HEATR3: variants seen among roughly 807,000 people sequenced by gnomAD.
HEATR3 encodes the protein HEAT repeat-containing protein 3.
A neutral mutation model predicts 72.8 loss-of-function variants in HEATR3; 56 were observed. That is an observed-to-expected ratio of 0.77 (90% CI 0.62 to 0.96). The LOEUF is 0.96. HEATR3 is among the 40% of genes least tolerant of loss of function. The pLI is 0.00. For synonymous variants in HEATR3, 331 were observed against 318.1 expected (o/e 1.04, Z -0.43); for missense variants, 747 against 831.4 (o/e 0.90, Z 1.25).
chr16:50,099,726 G>A (rs148543230), intron 12 of HEATR3, among the ~76,000 whole-genome samples: 41 of 152,266 alleles, frequency 2.7e-4, no homozygotes, highest in African/African-American at 9.4e-4. Flanking sequence ...TTGCAGGCGT[G>A]AGCCACCGCG....
chr16:50,100,575 C>T, intron 13 of HEATR3: 1 of 515,776 alleles, frequency 1.9e-6, no homozygotes, highest in Non-Finnish European at 3.3e-6. Flanking sequence ...AAAAGTTGAG[C>T]CACATTTTAC....
intron 6 of HEATR3, among the ~76,000 whole-genome samples, chr16:50,078,121 C>T (rs2036781235): frequency 6.6e-6 from 1 of 152,084 alleles, no homozygotes; most frequent in South Asian, 2.1e-4. Context: ...GAGTGATCCT[C>T]CCACCTTGGC....
At chr16:50,081,514 G>A (rs1425094862) in intron 7 of HEATR3, among the ~76,000 whole-genome samples, 1 of 152,082 alleles carries the variant, frequency 6.6e-6, no homozygotes, top group Non-Finnish European at 1.5e-5. Context: ...CGGTGGTGGG[G>A]CGGGGGGTAG....
chr16:50,097,834 G>A (rs1161261323), intron 12 of HEATR3, among the ~76,000 whole-genome samples: 1 of 151,138 alleles, frequency 6.6e-6, no homozygotes, highest in Admixed American at 6.6e-5. Flanking sequence ...AGAATCGCTT[G>A]AAGCCAGGAG....
At chr16:50,080,272 A>G (rs1403228266) in intron 7 of HEATR3, 1 of 152,182 alleles carries the variant, frequency 6.6e-6, no homozygotes, top group Non-Finnish European at 1.5e-5. Context: ...TGTGGGTGCA[A>G]ACCACTGTGT....
intron 12 of HEATR3, among the ~76,000 whole-genome samples, chr16:50,098,582 G>A (rs1209663078): frequency 6.6e-6 from 1 of 152,134 alleles, no homozygotes; most frequent in Non-Finnish European, 1.5e-5. Context: ...TGTGAACCCA[G>A]GAGGCGGAGC....
At chr16:50,097,224 A>G (rs1433612247) in intron 12 of HEATR3, among the ~76,000 whole-genome samples, 1 of 152,086 alleles carries the variant, frequency 6.6e-6, no homozygotes, top group African/African-American at 2.4e-5. Flanking sequence ...GTGGGTTCAC[A>G]TAATGGTTTT....
At position 50,094,706 on chromosome 16, in the gene HEATR3, T is replaced by C. The variant is rs2037193523; in HGVS notation, c.1512T>C (p.Asp504=). The C allele has an allele frequency of 1.3e-6, 2 of 1,545,404 alleles. No individual in the cohort carries two copies. The highest frequency in any genetic ancestry group is 2.1e-5 in the Admixed American group (1 of 46,932). Residue 504 remains aspartate, a splice_region_variant and synonymous_variant, in exon 12 of 15, where the codon GAT becomes GAC. Coordinates refer to ENST00000299192, the MANE Select transcript of HEATR3 (RefSeq NM_182922.4). ...HLSQLLFSQP[D]FAKHVDFLEA... is the part of the protein sequence containing the mutation. ...TTATATTTCATTTTTGTGTTTTAGATTTTGCTAAACATGTTGACTTTCTAG... is the reference window on the plus strand; with the variant it reads ...TTATATTTCATTTTTGTGTTTTAGACTTTGCTAAACATGTTGACTTTCTAG...
chr16:50,076,059 T>A (rs1387148175), intron 6 of HEATR3, among the ~76,000 whole-genome samples: 1 of 152,122 alleles, frequency 6.6e-6, no homozygotes, highest in African/African-American at 2.4e-5. Flanking sequence ...CTGCAGAATG[T>A]CTGAATACAG....
chr16:50,102,133 T>C (rs2037380375), intron 13 of HEATR3, 126 bp from the exon 14 acceptor site: 3 of 696,732 alleles, frequency 4.3e-6, no homozygotes, highest in Non-Finnish European at 7.2e-6. Context: ...TCTAATCTCT[T>C]GAAGTTTTAA....
At chr16:50,072,511 A>G in intron 4 of HEATR3, 94 bp from the exon 5 acceptor site, 4 of 777,818 alleles carry the variant, frequency 5.1e-6, no homozygotes, top group South Asian at 1.7e-5. Flanking sequence ...TCCTTGGTTT[A>G]TAAAGCCTCG....
intron 11 of HEATR3, among the ~76,000 whole-genome samples, chr16:50,091,715 CA>C (rs1026363733): frequency 7.4e-5 from 11 of 148,558 alleles, no homozygotes; most frequent in South Asian, 2.1e-4. Flanking sequence ...ACTAAAAATG[CA>C]AAAAAAAATT....
In HEATR3 at chr16:50,103,082, C is replaced by T. The variant is rs374759069; in HGVS notation, c.1920+647C>T. ...CCAGCCATATTGTTCTTAAAGGTTACAGTCCTTTAAATTTCTGGATAAAGA... is the reference window on the plus strand; with the variant it reads ...CCAGCCATATTGTTCTTAAAGGTTATAGTCCTTTAAATTTCTGGATAAAGA... On this transcript the variant is annotated intron_variant, in intron 14 of 14. Transcript: ENST00000299192. Among the ~76,000 whole-genome samples the T allele has an allele frequency of 2.8e-4, 43 of 152,264 alleles. 1 individual carries two copies. Among genetic ancestry groups the T allele is most frequent in the Non-Finnish European group, 4.4e-5 (3 of 68,016 alleles).
chr16:50,066,267 A>C lies in HEATR3; in HGVS notation c.136A>C (p.Lys46Gln). ...DDGPAAELLE[K>Q]LQHPSAEVRE... ...CGGGCCGGCGGCGGAGCTGCTGGAAAAGGTGAGGCGAGGGCTCCGTCGGGC... is the reference window on the plus strand; with the variant it reads ...CGGGCCGGCGGCGGAGCTGCTGGAACAGGTGAGGCGAGGGCTCCGTCGGGC... Residue 46 changes from lysine to glutamine, a missense_variant and splice_region_variant, in exon 1 of 15, where the codon AAG becomes CAG. Around this residue, in one of 2 missense-constraint regions of HEATR3, gnomAD observed 161 missense variants for 122.6 expected, o/e 1.31. Coordinates refer to ENST00000299192, the MANE Select transcript of HEATR3 (RefSeq NM_182922.4). 6.4e-7 allele frequency: 1 copy of C among 1,573,232 alleles called. No homozygotes were observed. The highest frequency in any genetic ancestry group is 8.6e-7 in the Non-Finnish European group (1 of 1,163,286).
At chr16:50,082,757 C>CA (rs60241022) in intron 7 of HEATR3, among the ~76,000 whole-genome samples, 14,345 of 72,848 alleles carry the variant, frequency 0.2, 921 homozygotes, top group East Asian at 0.44. Context: ...CCCCATCTCT[C>CA]AAAAAAAAAA....
chr16:50,071,857 C>T (rs186729551), intron 4 of HEATR3, among the ~76,000 whole-genome samples: 2 of 152,270 alleles, frequency 1.3e-5, no homozygotes, highest in Middle Eastern at 3.4e-3. Flanking sequence ...ACAATTATTA[C>T]AATTAGCCTT....
intron 6 of HEATR3, among the ~76,000 whole-genome samples, chr16:50,076,397 A>G (rs539559440): frequency 2.3e-4 from 35 of 152,198 alleles, no homozygotes; most frequent in South Asian, 1.0e-3. Context: ...CATGTTGGCC[A>G]GGCTGGTCTT....
intron 5 of HEATR3, 52 bp from the exon 6 acceptor site, chr16:50,075,518 AT>A (rs1182193840): frequency 6.5e-7 from 1 of 1,534,730 alleles, no homozygotes; most frequent in Non-Finnish European, 9.0e-7. Context: ...ACTGGTGTAA[AT>A]TATCCAAAGC....
Position 50,066,400 on chromosome 16 carries a change from G to A in HEATR3, c.172G>A (p.Ala58Thr), listed in dbSNP as rs758158346. Residue 58 changes from alanine (A) to threonine (T), a missense_variant, in exon 2 of 15, where the codon GCC (alanine) becomes ACC (threonine). Transcript: ENST00000299192. ...QHPSAEVREC[A>T]CAGLARLVQQ... The stretch of plus-strand genomic sequence containing the variant: ...CCCGAGCGCCGAGGTCCGCGAGTGC[G>A]CCTGCGCAGGGCTGGCCCGGCTGGT... The A allele has an allele frequency of 6.5e-7, 1 of 1,548,582 alleles. No individual in the cohort carries two copies. Among genetic ancestry groups the A allele is most frequent in the East Asian group, 2.5e-5 (1 of 39,984 alleles).
Sources: gnomAD v4.1 joint callset for allele counts (sites outside exome capture counted in the v4.1 genomes callset) on GRCh38, gnomAD v4.1.1 for gene constraint, gnomAD v4.1.1 regional missense constraint, MANE v1.5 for transcripts, NCBI Gene and HGNC (gene_info 2026-07-23, HGNC 2026-07-21) for gene names.